The following UTRN variants were observed in gnomAD, a reference collection of about 807,000 sequenced individuals.
UTRN encodes utrophin, also known as dystrophin-related protein 1.
In UTRN, 283 loss-of-function variants were observed where a neutral mutation model predicts 463.9. The observed-to-expected ratio is 0.61, with a 90% CI of 0.55 to 0.67. The LOEUF is 0.67. Ranked by LOEUF, UTRN falls within the 30% of genes least tolerant of loss-of-function variation. The probability of loss-of-function intolerance (pLI) is 0.00; values close to 1 mark genes in which losing one functional copy is unlikely to be tolerated. For synonymous variants in UTRN, 1,442 were observed against 1,431.5 expected, an observed-to-expected ratio of 1.01 and a Z score of -0.17; for missense variants, 3,922 against 4,084.3, an observed-to-expected ratio of 0.96 and a Z score of 1.08.
At chr6:144,447,421 T>TA (rs1487225270) in intron 15 of UTRN, 103 bp downstream of exon 15, 1 of 1,317,810 alleles carries the variant, frequency 7.6e-7, no homozygotes, top group Non-Finnish European at 1.1e-6. Context: ...TACAGCTCAT[T>TA]ACCTAGCATT....
intron 53 of UTRN, among the ~76,000 whole-genome samples, chr6:144,727,313 A>C (rs1467611545): frequency 6.6e-6 from 1 of 152,154 alleles, no homozygotes; most frequent in African/African-American, 2.4e-5. Flanking sequence ...CATTGTGTGA[A>C]TTCTTCCTCC....
chr6:144,457,424 C>T (rs1001234081), intron 19 of UTRN, among the ~76,000 whole-genome samples: 2 of 152,058 alleles, frequency 1.3e-5, no homozygotes, highest in East Asian at 1.9e-4. Context: ...ATGAATTGTC[C>T]AACATAAAGA....
At chr6:144,570,200 G>C (rs1800810053) in intron 50 of UTRN, among the ~76,000 whole-genome samples, 1 of 152,106 alleles carries the variant, frequency 6.6e-6, no homozygotes, top group Admixed American at 6.6e-5. Context: ...GTCAGTAGAA[G>C]TTAACTAGGT....
intron 53 of UTRN, 103 bp downstream of exon 53, chr6:144,700,346 G>T: frequency 1.5e-6 from 2 of 1,292,666 alleles, no homozygotes; most frequent in Non-Finnish European, 2.0e-6. Flanking sequence ...AATTATCACA[G>T]GATTCCCCCC....
chr6:144,305,816 A>C (rs984576841), intron 2 of UTRN, among the ~76,000 whole-genome samples: 1 of 152,232 alleles, frequency 6.6e-6, no homozygotes, highest in Admixed American at 6.5e-5. Context: ...GGCCAAGGGC[A>C]GTTCCTGGAC....
chr6:144,470,595 C>G (rs559281067), intron 23 of UTRN, among the ~76,000 whole-genome samples: 2 of 151,948 alleles, frequency 1.3e-5, no homozygotes, highest in East Asian at 3.9e-4. Flanking sequence ...GGCGGCCGGG[C>G]AGAGACGCTC....
chr6:144,421,936 T>C lies in UTRN; in HGVS notation c.200T>C (p.Leu67Ser), dbSNP rs931569898. The C allele has an allele frequency of 5.0e-6, 8 of 1,613,056 alleles. No individual in the cohort carries two copies. The highest frequency in any genetic ancestry group is 6.8e-6 in the Non-Finnish European group (8 of 1,179,520). The change falls in exon 4 of 75, where the codon TTG becomes TCG. Residue 67 changes from leucine to serine, a missense_variant. Leu to Ser is a moderately radical substitution (Grantham distance 145). Around this residue, in one of 3 missense-constraint regions of UTRN, gnomAD observed 264 missense variants for 327.9 expected, o/e 0.81. Coordinates refer to ENST00000367545, the MANE Select transcript of UTRN (RefSeq NM_007124.3). ...FTDLKDGRKL[L>S]DLLEGLTGTS... ...GACCTCAAAGATGGAAGGAAGCTAT[T>C]GGATCTTCTAGAAGGCCTCACAGGA...
chr6:144,581,646 T>C (rs1474724998), intron 51 of UTRN, among the ~76,000 whole-genome samples: 1 of 152,212 alleles, frequency 6.6e-6, no homozygotes, highest in Non-Finnish European at 1.5e-5. Context: ...CTGCTGGTTC[T>C]AGGACAGGAA....
chr6:144,385,052 T>G (rs1450720979), intron 2 of UTRN, among the ~76,000 whole-genome samples: 2 of 152,180 alleles, frequency 1.3e-5, no homozygotes, highest in South Asian at 2.1e-4. Context: ...TTTTGTTTGA[T>G]TGACTCTTGC....
intron 51 of UTRN, among the ~76,000 whole-genome samples, chr6:144,648,935 T>A (rs1196705115): frequency 6.6e-6 from 1 of 152,222 alleles, no homozygotes; most frequent in East Asian, 1.9e-4. Flanking sequence ...TTTAACTTTT[T>A]TCTTCATTAT....
chr6:144,554,885 G>T lies in UTRN; in HGVS notation c.7126G>T (p.Asp2376Tyr). 1 of 1,613,850 alleles carries T rather than the reference G, an allele frequency of 6.2e-7. No homozygotes were observed. Among genetic ancestry groups the T allele is most frequent in the South Asian group, 1.1e-5 (1 of 91,024 alleles). The change falls in exon 49 of 75, where the codon GAT (aspartate) becomes TAT (tyrosine). Residue 2376 changes from aspartate (D) to tyrosine (Y), a missense_variant. By Grantham distance (160) the Asp-to-Tyr change is radical. Around this residue, in one of 3 missense-constraint regions of UTRN, gnomAD observed 1,309 missense variants for 1,452.6 expected, o/e 0.90. Coordinates refer to ENST00000367545, the MANE Select transcript of UTRN (RefSeq NM_007124.3). Reference protein sequence around the residue: ...RRDPLTKQISDNQILLQELGP... With the variant: ...RRDPLTKQISYNQILLQELGP... Reference sequence around the variant, plus strand: ...GGATCCACTCACCAAACAAATTTCTGATAACCAAGTAAGACTCATCAGATA... The same window carrying T: ...GGATCCACTCACCAAACAAATTTCTTATAACCAAGTAAGACTCATCAGATA...
At chr6:144,562,272 T>C (rs1480627688) in intron 50 of UTRN, among the ~76,000 whole-genome samples, 1 of 152,098 alleles carries the variant, frequency 6.6e-6, no homozygotes, top group East Asian at 1.9e-4. Flanking sequence ...CATAGGTAAA[T>C]GTGGTGGTTT....
At chr6:144,594,792 G>A (rs946457972) in intron 51 of UTRN, among the ~76,000 whole-genome samples, 15 of 151,948 alleles carry the variant, frequency 9.9e-5, no homozygotes, top group African/African-American at 3.1e-4. Flanking sequence ...TCTTCCCACC[G>A]CACTGCCCCA....
rs558758093 is a variant in UTRN, at chr6:144,525,685, T to C, written c.5906+2497T>C. ...TTTATTTGTTTCATTTTCATTTAGC[T>C]CTGCTCTGATCTTGGTTATTTTTTT... is the stretch of plus-strand genomic sequence containing the variant. On this transcript the variant is annotated intron_variant, in intron 41 of 74. Coordinates refer to ENST00000367545, the MANE Select transcript of UTRN (RefSeq NM_007124.3). 1.1e-4 allele frequency among the ~76,000 whole-genome samples: 16 copies of C among 152,212 alleles called. No homozygotes were observed. The East Asian group carries it at 3.1e-3, about 29-fold the overall frequency.
At chr6:144,462,318 G>A (rs1480760674) in intron 22 of UTRN, among the ~76,000 whole-genome samples, 2 of 152,112 alleles carry the variant, frequency 1.3e-5, no homozygotes, top group Non-Finnish European at 2.9e-5. Flanking sequence ...TCATTGATGG[G>A]CATTTGGGTT....
intron 23 of UTRN, among the ~76,000 whole-genome samples, chr6:144,468,293 G>A (rs1790152955): frequency 6.6e-6 from 1 of 152,130 alleles, no homozygotes. Context: ...TGATCCCATA[G>A]CAGGTTGTTG....
intron 54 of UTRN, among the ~76,000 whole-genome samples, chr6:144,739,596 T>C (rs1011573624): frequency 6.6e-6 from 1 of 152,136 alleles, no homozygotes; most frequent in African/African-American, 2.4e-5. Flanking sequence ...AGTGTAGGCA[T>C]GAAGGGGAAG....
chr6:144,680,969 G>T (rs1782137014), intron 52 of UTRN, among the ~76,000 whole-genome samples: 1 of 152,188 alleles, frequency 6.6e-6, no homozygotes, highest in Non-Finnish European at 1.5e-5. Flanking sequence ...CCCTTCCATT[G>T]TGGATGGAAT....
chr6:144,763,599 G>T (rs1319747475), intron 58 of UTRN, among the ~76,000 whole-genome samples: 1 of 152,172 alleles, frequency 6.6e-6, no homozygotes, highest in Non-Finnish European at 1.5e-5. Context: ...TTCTTTAGAA[G>T]AATTGTGCGC....
Sources: allele counts gnomAD v4.1 joint callset (sites outside exome capture counted in the v4.1 genomes callset), GRCh38; gene constraint gnomAD v4.1.1; regional missense constraint gnomAD v4.1.1; transcripts MANE v1.5; gene names NCBI Gene and HGNC (gene_info 2026-07-23, HGNC 2026-07-21).